The following PLCD3 variants were observed in gnomAD, a reference collection of about 807,000 sequenced individuals.
PLCD3 encodes the protein phospholipase C delta 3.
A neutral mutation model predicts 82.8 loss-of-function variants in PLCD3; 62 were observed. That is an observed-to-expected ratio of 0.75 (90% CI 0.61 to 0.93). The LOEUF (loss-of-function observed/expected upper bound fraction) is 0.93, where lower values mean the gene tolerates loss of function less well. Ranked by LOEUF, PLCD3 falls within the 40% of genes least tolerant of loss-of-function variation. PLCD3 has a pLI of 0.00. For missense variants in PLCD3, 1,023 were observed against 1,103.4 expected, an observed-to-expected ratio of 0.93 and a Z score of 1.03; for synonymous variants, 478 against 471.8, an observed-to-expected ratio of 1.01 and a Z score of -0.17.
chr17:45,122,913 G>A (rs985611121), intron 1 of PLCD3, among the ~76,000 whole-genome samples: 5 of 152,188 alleles, frequency 3.3e-5, no homozygotes, highest in African/African-American at 1.2e-4. Context: ...ACAGCCCGGA[G>A]TGAATGAGGG....
At chr17:45,121,514 C>A (rs1222256042) in intron 1 of PLCD3, 142 bp from the exon 2 acceptor site, 4 of 1,043,240 alleles carry the variant, frequency 3.8e-6, no homozygotes, top group Non-Finnish European at 5.3e-6. Context: ...CTCCCCCTCA[C>A]AGGACTCCCC....
chr17:45,115,307 T>TCC, intron 9 of PLCD3, 37 bp downstream of exon 9: 2 of 1,504,166 alleles, frequency 1.3e-6, no homozygotes, highest in Non-Finnish European at 8.9e-7. Context: ...CCTCCCACCT[T>TCC]CCCCCCCTTC....
At chr17:45,120,544 G>T in intron 3 of PLCD3, 90 bp from the exon 4 acceptor site, 1 of 1,561,834 alleles carries the variant, frequency 6.4e-7, no homozygotes. Context: ...CTGGGTCTGG[G>T]GGATCCCCAG....
intron 1 of PLCD3, among the ~76,000 whole-genome samples, chr17:45,126,331 C>A (rs187225379): frequency 3.1e-4 from 45 of 143,996 alleles, no homozygotes; most frequent in African/African-American, 1.2e-3. Flanking sequence ...CAGGCATGAG[C>A]CACTGCGCCC....
chr17:45,121,427 T>C, intron 1 of PLCD3, 55 bp from the exon 2 acceptor site: 1 of 1,437,352 alleles, frequency 7.0e-7, no homozygotes, highest in Admixed American at 2.7e-5. Flanking sequence ...GAGGCTCCCC[T>C]GCCCTCCCCC....
In PLCD3 at chr17:45,109,245, T is replaced by A. The variant is rs974605838; in HGVS notation, c.*3371A>T. On this transcript the variant is annotated 3_prime_UTR_variant, in exon 15 of 15. Coordinates refer to ENST00000619929, the MANE Select transcript of PLCD3 (RefSeq NM_133373.5). ...CGAGCTGCTATTGACCCAGGTTCAC[T>A]CCAAGTTAGAGCAGCAACTGGGCTC... 12 of 152,280 alleles carry A rather than the reference T, an allele frequency of 7.9e-5. No homozygotes were observed. The highest frequency in any genetic ancestry group is 2.9e-4 in the African/African-American group (12 of 41,452). The allele number at this position is 152,280 out of a possible 1,614,324, so 9.4% of individuals were successfully genotyped here.
rs1171460293 is a variant in PLCD3, at chr17:45,111,454, T to TA, written c.*1161dup. 6.6e-6 allele frequency: 1 copy of TA among 152,320 alleles called. No homozygotes were observed. The highest frequency in any genetic ancestry group is 1.5e-5 in the Non-Finnish European group (1 of 68,298). 9.4% of individuals were successfully genotyped at this position (152,320 alleles called of 1,614,324 possible). A position where few individuals can be genotyped will look rare whatever the true frequency, so the allele number is the denominator to read the frequency against. The stretch of plus-strand genomic sequence containing the variant: ...TTGGCATCCTCAGACAGTCTTGTGA[T>TA]ACTCGCAGCAGCTTTAAGCCAGGAG... On this transcript the variant is annotated 3_prime_UTR_variant, in exon 15 of 15. Coordinates refer to ENST00000619929, the MANE Select transcript of PLCD3 (RefSeq NM_133373.5).
chr17:45,113,626 G>C (rs1280689294), intron 11 of PLCD3, 21 bp from the exon 12 acceptor site: 2 of 1,552,414 alleles, frequency 1.3e-6, no homozygotes, highest in Non-Finnish European at 1.7e-6. Context: ...AGCAGGGTCA[G>C]AGCAGGGGCT....
chr17:45,130,738 C>T (rs1811066910), intron 1 of PLCD3, among the ~76,000 whole-genome samples: 1 of 152,104 alleles, frequency 6.6e-6, no homozygotes, highest in Admixed American at 6.5e-5. Context: ...CCACTCTCCA[C>T]ACTCACTCCT....
chr17:45,124,835 A>G (rs1393026881), intron 1 of PLCD3, among the ~76,000 whole-genome samples: 2 of 152,220 alleles, frequency 1.3e-5, no homozygotes, highest in African/African-American at 4.8e-5. Context: ...CCAGTGACTG[A>G]GTGGGTGGAG....
intron 1 of PLCD3, among the ~76,000 whole-genome samples, chr17:45,124,963 G>T (rs1365265354): frequency 2.0e-5 from 3 of 152,162 alleles, no homozygotes; most frequent in African/African-American, 7.2e-5. Context: ...GGCCAAGGCA[G>T]GCGGGTCATT....
rs184519194 is a variant in PLCD3 at position 45,125,184 on chromosome 17, C to T, written c.164-3812G>A. On this transcript the variant is annotated intron_variant, in intron 1 of 14. Coordinates refer to ENST00000619929, the MANE Select transcript of PLCD3 (RefSeq NM_133373.5). ...TCTGTTTAAAATATAAAACATCAGC[C>T]GGGCATGGTGGCTCACACCTGCAAT... is the stretch of plus-strand genomic sequence containing the variant. Among the ~76,000 whole-genome samples, 826 of 143,958 alleles carry T rather than the reference C, an allele frequency of 5.7e-3. 37 individuals are homozygous for T. Among genetic ancestry groups the T allele is most frequent in the East Asian group, 0.02 (94 of 4,694 alleles). The allele number at this position is 143,958 out of a possible 152,430, so 94.4% of individuals were successfully genotyped here. A position where few individuals can be genotyped will look rare whatever the true frequency, so the allele number is the denominator to read the frequency against.
At chr17:45,114,785 C>G (rs1406527039) in intron 10 of PLCD3, among the ~76,000 whole-genome samples, 3 of 152,114 alleles carry the variant, frequency 2.0e-5, no homozygotes, top group Non-Finnish European at 4.4e-5. Context: ...CATCACCTGC[C>G]CCAGGAATTC....
At position 45,132,510 on chromosome 17, in the gene PLCD3, G is replaced by A. The variant is rs568359345; in HGVS notation, c.-100C>T. On this transcript the variant is annotated 5_prime_UTR_variant, in exon 1 of 15. Coordinates refer to ENST00000619929, the MANE Select transcript of PLCD3 (RefSeq NM_133373.5). The surrounding 1 kb of genome is among the most constrained non-coding windows in gnomAD (Gnocchi z 4.6). ...GCCCCGGCTCTGAGCGAGGCGGCGAGCGAAGAAACTTAGCGGCGCGGGAGG... is the reference window on the plus strand; with the variant it reads ...GCCCCGGCTCTGAGCGAGGCGGCGAACGAAGAAACTTAGCGGCGCGGGAGG... 59 of 633,930 alleles carry A rather than the reference G, an allele frequency of 9.3e-5. No homozygotes were observed. The African/African-American group carries it at 1.1e-3, about 12-fold the overall frequency. The allele number at this position is 633,930 out of a possible 1,614,324, so 39.3% of individuals were successfully genotyped here.
rs1044969953 is a variant in PLCD3, at chr17:45,113,222, G to A, written c.2031C>T (p.Ala677=). 5.0e-6 allele frequency: 8 copies of A among 1,609,864 alleles called. No individual in the cohort carries two copies. Among genetic ancestry groups the A allele is most frequent in the Admixed American group, 3.4e-5 (2 of 59,460 alleles). ...LTAQQLPKLN[A]EKPHSIVDPL... is the part of the protein sequence containing the mutation. ...GGTCCACAATGGAGTGTGGCTTCTC[G>A]GCATTCAGCTTGGGCAGCTGCTGTG... Residue 677 remains alanine, a synonymous_variant, in exon 13 of 15, where the codon GCC becomes GCT. Transcript: ENST00000619929.
At position 45,121,021 on chromosome 17, in the gene PLCD3, G is replaced by T; in HGVS notation, c.435C>A (p.Gly145=). The T allele has an allele frequency of 6.5e-7, 1 of 1,539,620 alleles. No individual in the cohort carries two copies. Among genetic ancestry groups the T allele is most frequent in the South Asian group, 1.2e-5 (1 of 83,878 alleles). The change falls in exon 3 of 15, where the codon GGC becomes GGA. Residue 145 remains glycine, a synonymous_variant. Coordinates refer to ENST00000619929, the MANE Select transcript of PLCD3 (RefSeq NM_133373.5). ...PARCLTIAFK[G]RRKNLDLAAP... is the part of the protein sequence containing the mutation. ...CCGCCAGGTCCAGGTTCTTGCGGCG[G>T]CCCTTGAAGGCGATGGTGAGGCAGC...
chr17:45,117,189 C>T (rs2054298133), intron 7 of PLCD3, among the ~76,000 whole-genome samples: 1 of 152,186 alleles, frequency 6.6e-6, no homozygotes, highest in Non-Finnish European at 1.5e-5. Flanking sequence ...AGGTGATCTG[C>T]CCACCTCAGC....
At chr17:45,126,911 C>G (rs970985980) in intron 1 of PLCD3, among the ~76,000 whole-genome samples, 2 of 152,260 alleles carry the variant, frequency 1.3e-5, no homozygotes, top group Admixed American at 1.3e-4. Flanking sequence ...TCAACAGCCT[C>G]TGCCTCCCAA....
At chr17:45,112,755 G>A (rs2054255274) in intron 14 of PLCD3, 51 bp from the exon 15 acceptor site, 3 of 1,589,056 alleles carry the variant, frequency 1.9e-6, no homozygotes, top group African/African-American at 1.3e-5. Context: ...CTGGGGGTCT[G>A]GCCCAGCCCG....
Sources: gnomAD v4.1 joint callset for allele counts (sites outside exome capture counted in the v4.1 genomes callset) on GRCh38, gnomAD v4.1.1 for gene constraint, Gnocchi (gnomAD v3.1) non-coding constraint, MANE v1.5 for transcripts, NCBI Gene and HGNC (gene_info 2026-07-23, HGNC 2026-07-21) for gene names.